The following TRPM2 variants were observed in gnomAD, a reference collection of about 807,000 sequenced individuals.
TRPM2 encodes the protein transient receptor potential cation channel subfamily M member 2, also known as estrogen-responsive element-associated gene 1 protein.
Under a neutral mutation model 174.0 loss-of-function variants are expected in TRPM2, and 161 were observed. The observed-to-expected ratio is 0.93, with a 90% confidence interval of 0.81 to 1.05. TRPM2 has a LOEUF of 1.05. Ranked by LOEUF, TRPM2 falls within the 50% of genes least tolerant of loss-of-function variation. TRPM2 has a pLI of 0.00. For synonymous variants in TRPM2, 954 were observed against 861.3 expected, an observed-to-expected ratio of 1.11 and a Z score of -1.88; for missense variants, 2,057 against 2,038.0, an observed-to-expected ratio of 1.01 and a Z score of -0.18.
intron 1 of TRPM2, 134 bp downstream of exon 1, chr21:44,353,999 C>A: frequency 1.8e-6 from 2 of 1,084,666 alleles, no homozygotes; most frequent in South Asian, 1.7e-5. Context: ...CCCAACCATA[C>A]CTTTGGGAGA....
At chr21:44,383,895 C>T (rs958045403) in intron 9 of TRPM2, among the ~76,000 whole-genome samples, 2 of 152,056 alleles carry the variant, frequency 1.3e-5, no homozygotes, top group African/African-American at 4.8e-5. Flanking sequence ...TAAATGCTTA[C>T]ATTAAAAAAT....
intron 30 of TRPM2, among the ~76,000 whole-genome samples, chr21:44,440,317 A>G (rs1335573639): frequency 2.1e-4 from 1 of 4,750 alleles, no homozygotes; most frequent in East Asian, 0.018. Flanking sequence ...AAAAAAAAAA[A>G]AAAAAAAAAA....
Position 44,435,292 on chromosome 21 carries a change from G to T in TRPM2, c.4061+75G>T. ...ACCTTCACAAGGGGCGGCTGCCATT[G>T]CCCAGTGCTCAGGGGCCGGGAGGGC... On this transcript the variant is annotated intron_variant, in intron 28 of 31. Transcript: ENST00000397928. The T allele has an allele frequency of 3.3e-6, 5 of 1,533,196 alleles. No individual in the cohort carries two copies. The South Asian group carries it at 5.8e-5, about 18-fold the overall frequency. 95.0% of individuals were successfully genotyped at this position (1,533,196 alleles called of 1,614,324 possible).
intron 20 of TRPM2, among the ~76,000 whole-genome samples, chr21:44,417,257 TCA>T (rs1209044987): frequency 7.5e-6 from 1 of 132,952 alleles, no homozygotes; most frequent in Non-Finnish European, 1.6e-5. Flanking sequence ...CTCTGTGGCA[TCA>T]CAGTGTGCAT....
chr21:44,406,623 GC>G lies in TRPM2; in HGVS notation c.2821del (p.Leu941TrpfsTer49), dbSNP rs2049888653. The G allele has an allele frequency of 6.2e-7, 1 of 1,610,548 alleles. No homozygotes were observed. The highest frequency in any genetic ancestry group is 1.3e-5 in the African/African-American group (1 of 74,842). On this transcript the variant is annotated frameshift_variant, in exon 19 of 32. Transcript: ENST00000397928. LOFTEE classifies it high-confidence loss of function. ...MKDVFFFLFLLAVWVVSFGVA... is the reference protein window; with the variant it reads ...MKDVFFFLFLXAVWVVSFGVA... Reference sequence around the variant, plus strand: ...AGGACGTCTTCTTCTTCCTCTTCCTGCTGGCTGTGTGGGTGGTGTCCTTCGG... The same window carrying G: ...AGGACGTCTTCTTCTTCCTCTTCCTGTGGCTGTGTGGGTGGTGTCCTTCGG...
chr21:44,409,280 G>A (rs951422352), intron 19 of TRPM2, among the ~76,000 whole-genome samples: 4 of 152,144 alleles, frequency 2.6e-5, no homozygotes, highest in African/African-American at 4.8e-5. Context: ...CCTGGTGTGC[G>A]GTAAGGGTCA....
At chr21:44,435,314 G>A in intron 28 of TRPM2, 97 bp downstream of exon 28, 3 of 1,374,602 alleles carry the variant, frequency 2.2e-6, no homozygotes, top group South Asian at 2.6e-5. Flanking sequence ...GGGGCCGGGA[G>A]GGCGGCTTTG....
At chr21:44,401,421 C>T (rs1275809949) in intron 15 of TRPM2, among the ~76,000 whole-genome samples, 1 of 152,128 alleles carries the variant, frequency 6.6e-6, no homozygotes. Context: ...ATGGGCAGGG[C>T]GTCAGCGGGC....
rs201821709 is a variant in TRPM2 at position 44,425,760 on chromosome 21, G to A, written c.3728G>A (p.Arg1243Gln). Residue 1243 changes from arginine (R) to glutamine (Q), a missense_variant, in exon 25 of 32, where the codon CGG (arginine) becomes CAG (glutamine). Transcript: ENST00000397928. Reference protein sequence around the residue: ...EPGDSYHVNARHLLYPNCPVT... With the variant: ...EPGDSYHVNAQHLLYPNCPVT... ...GGCGACAGCTACCACGTGAATGCCC[G>A]GCACCTCCTCTACCCCAACTGCCCT... 2.7e-5 allele frequency: 43 copies of A among 1,595,824 alleles called. No individual in the cohort carries two copies. The Admixed American group carries it at 4.6e-4, about 17-fold the overall frequency.
Position 44,405,919 on chromosome 21 carries a change from C to A in TRPM2, c.2672C>A (p.Thr891Lys), listed in dbSNP as rs369200126. 14 of 1,604,282 alleles carry A rather than the reference C, an allele frequency of 8.7e-6. No homozygotes were observed. Among genetic ancestry groups the A allele is most frequent in the Non-Finnish European group, 1.2e-5 (14 of 1,179,604 alleles). Reference protein sequence around the residue: ...AGLTCRLIPATLYPGRVILSL... With the variant: ...AGLTCRLIPAKLYPGRVILSL... ...CCGGCGGCCAGGCTCATCCCGGCGA[C>A]GCTGTACCCCGGGCGCGTCATCCTC... The change falls in exon 18 of 32, where the codon ACG becomes AAG. Residue 891 changes from threonine to lysine, a missense_variant. Transcript: ENST00000397928.
intron 2 of TRPM2, among the ~76,000 whole-genome samples, chr21:44,359,517 C>A (rs1297985874): frequency 1.3e-5 from 2 of 151,372 alleles, no homozygotes; most frequent in African/African-American, 4.9e-5. Flanking sequence ...GCGGGGAAAC[C>A]TGTTTCCTTT....
At position 44,367,558 on chromosome 21, in the gene TRPM2, C is replaced by A. The variant is rs1191223037; in HGVS notation, c.604+624C>A. ...AGATCCCAGGTGCCGTGACCTGGTG[C>A]CCCGCCCCACCCTAATTCCATGGGG... On this transcript the variant is annotated intron_variant, in intron 4 of 31. Transcript: ENST00000397928. The surrounding 1 kb of genome is among the most constrained non-coding windows in gnomAD (Gnocchi z 4.6). Among the ~76,000 whole-genome samples the A allele has an allele frequency of 6.6e-6, 1 of 152,196 alleles. No individual in the cohort carries two copies. Among genetic ancestry groups the A allele is most frequent in the African/African-American group, 2.4e-5 (1 of 41,458 alleles).
chr21:44,437,846 G>C (rs1017763352), intron 29 of TRPM2, among the ~76,000 whole-genome samples: 3 of 152,258 alleles, frequency 2.0e-5, no homozygotes, highest in Non-Finnish European at 4.4e-5. Flanking sequence ...GGATGGAAGA[G>C]GCTGGTCCTG....
At position 44,437,012 on chromosome 21, in the gene TRPM2, G is replaced by A. The variant is rs896025352; in HGVS notation, c.4062-50G>A. 7 of 1,514,370 alleles carry A rather than the reference G, an allele frequency of 4.6e-6. No homozygotes were observed. The African/African-American group carries it at 9.7e-5, about 21-fold the overall frequency. The allele number at this position is 1,514,370 out of a possible 1,614,324, so 93.8% of individuals were successfully genotyped here. A position where few individuals can be genotyped will look rare whatever the true frequency, so the allele number is the denominator to read the frequency against. On this transcript the variant is annotated intron_variant, in intron 28 of 31. Coordinates refer to ENST00000397928, the MANE Select transcript of TRPM2 (RefSeq NM_003307.4). Reference sequence around the variant, plus strand: ...GCCAGCCCCGCCGCGGCGCAGGGGAGGGTGGAGGCCGCAGCGGGTCCTGGG... The same window carrying A: ...GCCAGCCCCGCCGCGGCGCAGGGGAAGGTGGAGGCCGCAGCGGGTCCTGGG...
intron 18 of TRPM2, 35 bp from the exon 19 acceptor site, chr21:44,406,559 A>G (rs1163398504): frequency 6.3e-7 from 1 of 1,586,742 alleles, no homozygotes; most frequent in East Asian, 2.2e-5. Flanking sequence ...ATCGGGGGCC[A>G]GGAGAGTGTA....
At chr21:44,351,842 G>A (rs2047931226), upstream of TRPM2, among the ~76,000 whole-genome samples, 2 of 152,194 alleles carry the variant, frequency 1.3e-5, no homozygotes, top group Admixed American at 6.5e-5. Flanking sequence ...GGGCCTGCTT[G>A]CCTCTGGGAT....
intron 7 of TRPM2, 74 bp downstream of exon 7, chr21:44,377,847 T>A: frequency 6.5e-7 from 1 of 1,548,398 alleles, no homozygotes; most frequent in African/African-American, 1.4e-5. Context: ...CAAAAGTGCT[T>A]GTCTCAGAAC....
At chr21:44,419,943 T>C (rs2050491120) in intron 22 of TRPM2, among the ~76,000 whole-genome samples, 1 of 149,552 alleles carries the variant, frequency 6.7e-6, no homozygotes, top group African/African-American at 2.5e-5. Context: ...GTGGTGCTGG[T>C]GCTGGTGGTG....
chr21:44,382,660 G>T lies in TRPM2; in HGVS notation c.1216-58G>T. The T allele has an allele frequency of 1.9e-6, 3 of 1,549,642 alleles. No homozygotes were observed. In the South Asian group the frequency reaches 3.5e-5, roughly 18 times the overall value. The stretch of plus-strand genomic sequence containing the variant: ...CCGGGGCCTCAATTCTATGTGTCCT[G>T]GAGGAGGCAGGGGTTCAGGAGTCAC... On this transcript the variant is annotated intron_variant, in intron 8 of 31. Coordinates refer to ENST00000397928, the MANE Select transcript of TRPM2 (RefSeq NM_003307.4).
Sources: gnomAD v4.1 joint callset for allele counts (sites outside exome capture counted in the v4.1 genomes callset) on GRCh38, gnomAD v4.1.1 for gene constraint, Gnocchi (gnomAD v3.1) non-coding constraint, MANE v1.5 for transcripts, NCBI Gene and HGNC (gene_info 2026-07-23, HGNC 2026-07-21) for gene names.